Variants in GSTZ1 observed in about 807,000 individuals in gnomAD.
GSTZ1 encodes glutathione S-transferase zeta 1, also known as maleylacetoacetate isomerase.
GSTZ1 carries 34 observed loss-of-function variants against 35.9 expected under a neutral mutation model. The observed-to-expected ratio is 0.95, with a 90% CI of 0.72 to 1.26. The LOEUF (loss-of-function observed/expected upper bound fraction) is 1.26. GSTZ1 is among the 50% of genes most tolerant of loss of function. The pLI, the probability that GSTZ1 is intolerant of heterozygous loss-of-function variation, is 0.00. For missense variants in GSTZ1, 263 were observed against 271.7 expected (o/e 0.97, Z 0.23); for synonymous variants, 93 against 101.2 (o/e 0.92, Z 0.49).
chr14:77,325,127 G>T, intron 2 of GSTZ1: 1 of 584,564 alleles, frequency 1.7e-6, no homozygotes, highest in Non-Finnish European at 3.1e-6. Flanking sequence ...GGGAGGAAGG[G>T]GGTTGTTTTT....
rs1892609420 is a variant in GSTZ1 at position 77,331,150 on chromosome 14, T to C, written c.606T>C (p.Ser202=). The C allele has an allele frequency of 6.2e-7, 1 of 1,613,986 alleles. No homozygotes were observed. The highest frequency in any genetic ancestry group is 8.5e-7 in the Non-Finnish European group (1 of 1,179,982). Reference sequence around the variant, plus strand: ...TGGTCTTGGAGGCCTTCCAGGTGTCTCACCCCTGCCGGCAGCCAGATACAC... The same window carrying C: ...TGGTCTTGGAGGCCTTCCAGGTGTCCCACCCCTGCCGGCAGCCAGATACAC... ...RLLVLEAFQV[S]HPCRQPDTPT... is the part of the protein sequence containing the mutation. The change falls in exon 9 of 9, where the codon TCT becomes TCC. Residue 202 remains serine, a synonymous_variant. Transcript: ENST00000216465.
In GSTZ1 at chr14:77,326,791, A is replaced by G. The variant is rs2234737; in HGVS notation, c.68-47A>G. ...TAGAAGGGCTCTTTCCTTTAAGAGT[A>G]CGGCGAGAGGCTGTTCTTTGACTCC... On this transcript the variant is annotated intron_variant, in intron 2 of 8. Coordinates refer to ENST00000216465, the MANE Select transcript of GSTZ1 (RefSeq NM_145870.3). 7,431 of 1,380,020 alleles carry G rather than the reference A, an allele frequency of 5.4e-3. 30 individuals are homozygous for G. Among genetic ancestry groups the G allele is most frequent in the Admixed American group, 9.3e-3 (493 of 53,000 alleles). 85.5% of individuals were successfully genotyped at this position (1,380,020 alleles called of 1,614,324 possible). A position where few individuals can be genotyped will look rare whatever the true frequency, so the allele number is the denominator to read the frequency against.
intron 1 of GSTZ1, chr14:77,322,940 G>A (rs1423162644): frequency 6.6e-6 from 1 of 152,516 alleles, no homozygotes; most frequent in Non-Finnish European, 1.5e-5. Context: ...TAGTAAACAG[G>A]GCATCTGAGA....
At chr14:77,330,003 G>T in intron 7 of GSTZ1, 196 bp downstream of exon 7, 1 of 647,430 alleles carries the variant, frequency 1.5e-6, no homozygotes, top group Admixed American at 2.2e-5. Context: ...GAGAGGATGA[G>T]GCGGGCCAGC....
Position 77,329,191 on chromosome 14 carries a change from T to G in GSTZ1, c.411T>G (p.Cys137Trp). 6.2e-7 allele frequency: 1 copy of G among 1,607,564 alleles called. No individual in the cohort carries two copies. Among genetic ancestry groups the G allele is most frequent in the Non-Finnish European group, 8.5e-7 (1 of 1,173,940 alleles). Reference protein sequence around the residue: ...QLTWAQNAITCGFNALEQILQ... With the variant: ...QLTWAQNAITWGFNALEQILQ... ...CCTGGGCCCAGAACGCCATCACTTGTGGCTTTAACGGTGAGTCCTCACCTC... is the reference window on the plus strand; with the variant it reads ...CCTGGGCCCAGAACGCCATCACTTGGGGCTTTAACGGTGAGTCCTCACCTC... Residue 137 changes from cysteine to tryptophan, a missense_variant, in exon 6 of 9, where the codon TGT (cysteine) becomes TGG (tryptophan). Cys to Trp is a radical substitution (Grantham distance 215, BLOSUM62 -2). Coordinates refer to ENST00000216465, the MANE Select transcript of GSTZ1 (RefSeq NM_145870.3).
At chr14:77,329,698 A>G (rs969378794) in intron 6 of GSTZ1, 57 bp from the exon 7 acceptor site, 2 of 1,375,038 alleles carry the variant, frequency 1.5e-6, no homozygotes, top group African/African-American at 1.4e-5. Context: ...AAGGCCCAGA[A>G]AGCTTTGTGT....
At chr14:77,324,795 G>A in intron 1 of GSTZ1, 75 bp from the exon 2 acceptor site, 1 of 1,433,704 alleles carries the variant, frequency 7.0e-7, no homozygotes, top group Non-Finnish European at 9.8e-7. Context: ...AGGACAGGAA[G>A]AAATGGTTGA....
chr14:77,321,481 C>G, intron 1 of GSTZ1: 1 of 1,477,880 alleles, frequency 6.8e-7, no homozygotes, highest in Non-Finnish European at 9.0e-7. Flanking sequence ...CAGACCCCTC[C>G]CTCCACTAAG....
chr14:77,325,127 G>A, intron 2 of GSTZ1: 2 of 584,564 alleles, frequency 3.4e-6, no homozygotes. Flanking sequence ...GGGAGGAAGG[G>A]GGTTGTTTTT....
rs564691991 is a variant in GSTZ1 at position 77,326,614 on chromosome 14, A to G, written c.68-224A>G. The stretch of plus-strand genomic sequence containing the variant: ...GGGTCCAGATCTTGAGGTCTCTAAG[A>G]GTTCAGGGGTGAGTGAGGCAGAGCA... On this transcript the variant is annotated intron_variant, in intron 2 of 8. Coordinates refer to ENST00000216465, the MANE Select transcript of GSTZ1 (RefSeq NM_145870.3). The G allele has an allele frequency of 2.6e-5, 13 of 505,096 alleles. No individual in the cohort carries two copies. The South Asian group carries it at 3.2e-4, about 13-fold the overall frequency. The allele number at this position is 505,096 out of a possible 1,614,324, so 31.3% of individuals were successfully genotyped here. A position where few individuals can be genotyped will look rare whatever the true frequency, so the allele number is the denominator to read the frequency against.
Position 77,331,400 on chromosome 14 carries a change from G to T in GSTZ1, c.*205G>T. On this transcript the variant is annotated 3_prime_UTR_variant, in exon 9 of 9. Transcript: ENST00000216465. ...GGAGTAGGGAGATGCGGGGAGCAGG[G>T]TGGGCAGGAATACTGTTATCTATGT... 1.8e-6 allele frequency: 1 copy of T among 571,048 alleles called. No homozygotes were observed. The highest frequency in any genetic ancestry group is 3.1e-5 in the Admixed American group (1 of 32,676). The allele number at this position is 571,048 out of a possible 1,614,324, so 35.4% of individuals were successfully genotyped here.
intron 1 of GSTZ1, 143 bp downstream of exon 1, chr14:77,321,326 C>CCTGCGTG (rs1249831541): frequency 5.9e-6 from 9 of 1,531,040 alleles, no homozygotes; most frequent in Non-Finnish European, 7.0e-6. Context: ...ACGCTCTGCG[C>CCTGCGTG]CTGCGTGCTG....
chr14:77,326,129 C>G (rs544725559), intron 2 of GSTZ1: 1 of 152,262 alleles, frequency 6.6e-6, no homozygotes, highest in African/African-American at 2.4e-5. Flanking sequence ...CACATGCATG[C>G]ACACGCACGC....
At chr14:77,321,919 A>G (rs1038307201) in intron 1 of GSTZ1, among the ~76,000 whole-genome samples, 3 of 149,714 alleles carry the variant, frequency 2.0e-5, no homozygotes, top group African/African-American at 7.4e-5. Flanking sequence ...GAGGAGAGGC[A>G]GTCATGACAA....
intron 3 of GSTZ1, 80 bp from the exon 4 acceptor site, chr14:77,327,392 T>C: frequency 1.2e-6 from 1 of 823,420 alleles, no homozygotes; most frequent in Non-Finnish European, 2.1e-6. Flanking sequence ...GTGGCAGGCC[T>C]GGGGTTCTCC....
chr14:77,330,311 T>G lies in GSTZ1; in HGVS notation c.476T>G (p.Val159Gly). 6.2e-7 allele frequency: 1 copy of G among 1,613,334 alleles called. No individual in the cohort carries two copies. Among genetic ancestry groups the G allele is most frequent in the Non-Finnish European group, 8.5e-7 (1 of 1,179,268 alleles). Residue 159 changes from valine to glycine, a missense_variant and splice_region_variant, in exon 8 of 9, where the codon GTG becomes GGG. Coordinates refer to ENST00000216465, the MANE Select transcript of GSTZ1 (RefSeq NM_145870.3). Reference sequence around the variant, plus strand: ...GGAACCCACCGGGACCTCTTTCAGGTGACCATGGCTGATCTGTGCTTGGTG... The same window carrying G: ...GGAACCCACCGGGACCTCTTTCAGGGGACCATGGCTGATCTGTGCTTGGTG... ...TAGIYCVGDE[V>G]TMADLCLVPQ...
chr14:77,327,375 G>C (rs898869355), intron 3 of GSTZ1, 97 bp from the exon 4 acceptor site: 8 of 735,848 alleles, frequency 1.1e-5, no homozygotes, highest in Non-Finnish European at 2.0e-5. Flanking sequence ...AAGGGAGATG[G>C]GGGTGGGTGG....
intron 3 of GSTZ1, 113 bp from the exon 4 acceptor site, chr14:77,327,359 C>T: frequency 2.8e-6 from 2 of 710,296 alleles, no homozygotes; most frequent in Non-Finnish European, 5.2e-6. Context: ...TAGGGCCTTC[C>T]CAGGGAAGGG....
Position 77,329,783 on chromosome 14 carries a change from G to C in GSTZ1, c.450G>C (p.Ala150=), listed in dbSNP as rs368231689. 4 of 1,613,774 alleles carry C rather than the reference G, an allele frequency of 2.5e-6. No homozygotes were observed. The highest frequency in any genetic ancestry group is 1.1e-5 in the South Asian group (1 of 91,066). ...TGGAGCAGATCCTACAGAGCACAGCGGGCATATACTGTGTAGGAGACGAGG... is the reference window on the plus strand; with the variant it reads ...TGGAGCAGATCCTACAGAGCACAGCCGGCATATACTGTGTAGGAGACGAGG... ...NALEQILQST[A]GIYCVGDEVT... Residue 150 remains alanine (A), a synonymous_variant, in exon 7 of 9, where the codon GCG becomes GCC. Transcript: ENST00000216465.
Sources: allele counts gnomAD v4.1 joint callset (sites outside exome capture counted in the v4.1 genomes callset), GRCh38; gene constraint gnomAD v4.1.1; transcripts MANE v1.5; gene names NCBI Gene and HGNC (gene_info 2026-07-23, HGNC 2026-07-21).